The following PRP4K variants were observed in gnomAD, a reference collection of about 807,000 sequenced individuals.
PRP4K encodes pre-mRNA processing factor kinase PRP4K, also known as serine/threonine-protein kinase PRP4 homolog.
chr6:4,049,138 TC>T, the PRP4K span: 1 of 1,537,016 alleles, frequency 6.5e-7, no homozygotes, highest in East Asian at 2.3e-5. Flanking sequence ...ACTTTAGAGT[TC>T]ATTGTAACAC....
chr6:4,062,397 A>G, the PRP4K span: 1 of 152,686 alleles, frequency 6.5e-6, no homozygotes, highest in East Asian at 1.9e-4. The surrounding 1 kb of genome is among the most constrained non-coding windows in gnomAD (Gnocchi z 4.2). Flanking sequence ...AATTTGTATT[A>G]TTAACATGGT....
the PRP4K span, chr6:4,043,688 C>A: frequency 1.2e-6 from 1 of 863,230 alleles, no homozygotes; most frequent in Admixed American, 2.5e-5. Context: ...CCAATAAATA[C>A]CATTTGGTTT....
chr6:4,057,321 T>C, the PRP4K span: 1 of 872,590 alleles, frequency 1.1e-6, no homozygotes, highest in Non-Finnish European at 1.7e-6. Context: ...CATGATTTCT[T>C]AGGGTCTTTC....
chr6:4,021,649 G>A, the PRP4K span, among the ~76,000 whole-genome samples: 1 of 152,296 alleles, frequency 6.6e-6, no homozygotes, highest in South Asian at 2.1e-4. Context: ...TCTCCCAGAG[G>A]CCGTGGCTGC....
the PRP4K span, among the ~76,000 whole-genome samples, chr6:4,045,045 T>C: frequency 6.6e-6 from 1 of 151,690 alleles, no homozygotes; most frequent in East Asian, 1.9e-4. Flanking sequence ...GTATTTTTAG[T>C]AGAGATGGGG....
chr6:4,033,812 A>T, the PRP4K span, among the ~76,000 whole-genome samples: 3 of 151,908 alleles, frequency 2.0e-5, no homozygotes, highest in African/African-American at 7.3e-5. Flanking sequence ...TTTACTTCTG[A>T]GTGGCACTGT....
chr6:4,033,487 G>A, the PRP4K span, among the ~76,000 whole-genome samples: 1 of 152,062 alleles, frequency 6.6e-6, no homozygotes, highest in African/African-American at 2.4e-5. Flanking sequence ...AATTTACGTA[G>A]GATCATAGAA....
the PRP4K span, among the ~76,000 whole-genome samples, chr6:4,037,761 A>T: frequency 2.0e-5 from 3 of 152,096 alleles, no homozygotes; most frequent in Admixed American, 6.5e-5. Flanking sequence ...TTTTAAACAA[A>T]TCATTGCTCA....
the PRP4K span, among the ~76,000 whole-genome samples, chr6:4,036,879 G>T: frequency 6.6e-6 from 1 of 151,612 alleles, no homozygotes. Flanking sequence ...CAGCTGCTCA[G>T]GGGGGCTGAA....
chr6:4,047,304 C>T, the PRP4K span: 16 of 1,303,384 alleles, frequency 1.2e-5, no homozygotes, highest in South Asian at 6.0e-5. Context: ...TATATTGGTG[C>T]GTATATACAT....
At chr6:4,028,781 C>G in the PRP4K span, among the ~76,000 whole-genome samples, 4 of 152,012 alleles carry the variant, frequency 2.6e-5, no homozygotes, top group Non-Finnish European at 4.4e-5. Context: ...GTGTTTTTCA[C>G]TCCCCCTCAT....
At chr6:4,035,748 A>G in the PRP4K span, among the ~76,000 whole-genome samples, 2 of 152,100 alleles carry the variant, frequency 1.3e-5, no homozygotes, top group African/African-American at 2.4e-5. Flanking sequence ...CGGGTGGATC[A>G]CCTGAGGTCA....
At chr6:4,057,751 CTTTTT>C in the PRP4K span, among the ~76,000 whole-genome samples, 4 of 81,082 alleles carry the variant, frequency 4.9e-5, no homozygotes, top group Admixed American at 1.5e-4. Flanking sequence ...CATAACTTAG[CTTTTT>C]TTTTTTTTTT....
the PRP4K span, among the ~76,000 whole-genome samples, chr6:4,054,154 A>T: frequency 1.3e-5 from 2 of 152,166 alleles, no homozygotes; most frequent in African/African-American, 4.8e-5. Flanking sequence ...CTCCTGCTGC[A>T]GCCTCCCAAA....
chr6:4,049,475 A>G, the PRP4K span: 8 of 486,518 alleles, frequency 1.6e-5, no homozygotes, highest in Admixed American at 7.5e-5. Context: ...CGGGACTACA[A>G]TTGGAAAAAC....
At chr6:4,052,683 C>A in the PRP4K span, 1 of 1,447,708 alleles carries the variant, frequency 6.9e-7, no homozygotes, top group Non-Finnish European at 9.3e-7. Flanking sequence ...CATTTTAACT[C>A]CTATTTTGTT....
At chr6:4,055,734 T>G in the PRP4K span, among the ~76,000 whole-genome samples, 1 of 152,270 alleles carries the variant, frequency 6.6e-6, no homozygotes, top group African/African-American at 2.4e-5. Flanking sequence ...AGAGTTCATG[T>G]TTATCAGTTT....
At chr6:4,026,637 A>G in the PRP4K span, among the ~76,000 whole-genome samples, 3 of 152,184 alleles carry the variant, frequency 2.0e-5, no homozygotes, top group Non-Finnish European at 4.4e-5. Context: ...AACACAAACA[A>G]TACTTACTGA....
chr6:4,022,436 A>G, the PRP4K span, among the ~76,000 whole-genome samples: 8 of 150,404 alleles, frequency 5.3e-5, no homozygotes, highest in South Asian at 2.1e-4. Flanking sequence ...TTTTACGGCA[A>G]TGTTCCTATA....
Sources: allele counts gnomAD v4.1 joint callset (sites outside exome capture counted in the v4.1 genomes callset), GRCh38; gene constraint gnomAD v4.1.1; non-coding constraint Gnocchi (gnomAD v3.1); transcripts MANE v1.5; gene names NCBI Gene and HGNC (gene_info 2026-07-23, HGNC 2026-07-21).